The following NUBPL variants were observed in gnomAD, a reference collection of about 807,000 sequenced individuals.
NUBPL encodes iron-sulfur cluster transfer protein NUBPL.
Under a neutral mutation model 45.7 loss-of-function variants are expected in NUBPL, and 31 were observed. The ratio of observed to expected loss-of-function variants is 0.68; its 90% CI spans 0.51 to 0.92. NUBPL has a LOEUF of 0.92. Among genes scored for constraint, NUBPL ranks in the 40% least tolerant of loss-of-function variants. The probability of loss-of-function intolerance (pLI) is 0.00; values close to 1 mark genes in which losing one functional copy is unlikely to be tolerated. For missense variants in NUBPL, 401 were observed against 398.7 expected (o/e 1.01, Z -0.05); for synonymous variants, 144 against 140.9 (o/e 1.02, Z -0.15).
intron 6 of NUBPL, among the ~76,000 whole-genome samples, chr14:31,760,383 G>T (rs950844336): frequency 6.6e-6 from 1 of 151,754 alleles, no homozygotes; most frequent in Admixed American, 6.6e-5. Flanking sequence ...AAACTCCTGG[G>T]CTGAAGCAGT....
intron 3 of NUBPL, among the ~76,000 whole-genome samples, chr14:31,568,377 T>A (rs935771255): frequency 6.6e-6 from 1 of 152,220 alleles, no homozygotes; most frequent in Admixed American, 6.5e-5. Flanking sequence ...CCAGCACTTA[T>A]TTAACTTTAC....
At chr14:31,624,222 G>A (rs1355519536) in intron 4 of NUBPL, among the ~76,000 whole-genome samples, 1 of 152,150 alleles carries the variant, frequency 6.6e-6, no homozygotes, top group East Asian at 1.9e-4. Context: ...TGAGAAAAAG[G>A]TCTCTGAATG....
At chr14:31,627,391 T>G (rs546383731) in intron 4 of NUBPL, among the ~76,000 whole-genome samples, 28 of 152,188 alleles carry the variant, frequency 1.8e-4, no homozygotes, top group African/African-American at 6.5e-4. Flanking sequence ...TTCGGCTTAC[T>G]CTGCTCATCT....
intron 6 of NUBPL, among the ~76,000 whole-genome samples, chr14:31,785,710 C>T (rs2039272152): frequency 6.6e-6 from 1 of 152,166 alleles, no homozygotes; most frequent in African/African-American, 2.4e-5. Flanking sequence ...TCAGTTCCAT[C>T]ATGGTTGTGA....
At chr14:31,639,089 CAA>C (rs1458628192) in intron 4 of NUBPL, among the ~76,000 whole-genome samples, 2 of 152,338 alleles carry the variant, frequency 1.3e-5, no homozygotes, top group South Asian at 2.1e-4. Flanking sequence ...CTCAGCTCGT[CAA>C]AGTCATTCTC....
intron 4 of NUBPL, among the ~76,000 whole-genome samples, chr14:31,634,231 C>A (rs1353475883): frequency 9.2e-6 from 1 of 108,576 alleles, no homozygotes; most frequent in Non-Finnish European, 1.8e-5. Flanking sequence ...AATGCTATCC[C>A]TCCCCCCACC....
intron 4 of NUBPL, among the ~76,000 whole-genome samples, chr14:31,617,647 G>A (rs1047566698): frequency 6.6e-6 from 1 of 152,182 alleles, no homozygotes; most frequent in Non-Finnish European, 1.5e-5. Context: ...TGGTAGATAA[G>A]TGTTTTGATG....
intron 6 of NUBPL, among the ~76,000 whole-genome samples, chr14:31,764,176 A>G (rs1283137808): frequency 1.3e-5 from 2 of 152,198 alleles, no homozygotes; most frequent in African/African-American, 4.8e-5. Context: ...CACTGGAGAC[A>G]GGGACAGATG....
intron 6 of NUBPL, among the ~76,000 whole-genome samples, chr14:31,678,604 G>T (rs1015852500): frequency 6.6e-6 from 1 of 152,160 alleles, no homozygotes; most frequent in Non-Finnish European, 1.5e-5. Context: ...GCCTGGAGTG[G>T]GGTCCTCACA....
intron 6 of NUBPL, among the ~76,000 whole-genome samples, chr14:31,764,067 G>A (rs896582579): frequency 2.0e-5 from 3 of 152,110 alleles, no homozygotes; most frequent in Admixed American, 6.5e-5. Flanking sequence ...ATAGAACACA[G>A]GCCTGTATTG....
chr14:31,787,469 G>A (rs965303619), intron 6 of NUBPL, among the ~76,000 whole-genome samples: 1 of 152,126 alleles, frequency 6.6e-6, no homozygotes, highest in African/African-American at 2.4e-5. Flanking sequence ...CAAAATGTGG[G>A]CTACACCCAG....
At chr14:31,614,459 T>G (rs1477488235) in intron 4 of NUBPL, among the ~76,000 whole-genome samples, 1 of 152,128 alleles carries the variant, frequency 6.6e-6, no homozygotes, top group Non-Finnish European at 1.5e-5. Context: ...GTGAAAAAGG[T>G]TATACACACA....
At chr14:31,742,245 C>T (rs901749084) in intron 6 of NUBPL, among the ~76,000 whole-genome samples, 3 of 123,012 alleles carry the variant, frequency 2.4e-5, no homozygotes, top group African/African-American at 1.1e-4. Flanking sequence ...TGTACACACA[C>T]ACACACACAC....
At chr14:31,640,645 A>G (rs1383890798) in intron 4 of NUBPL, among the ~76,000 whole-genome samples, 1 of 151,296 alleles carries the variant, frequency 6.6e-6, no homozygotes, top group African/African-American at 2.4e-5. Flanking sequence ...AACACTAATT[A>G]GATTAATCAT....
intron 7 of NUBPL, among the ~76,000 whole-genome samples, chr14:31,814,913 A>C (rs76935125): frequency 0.33 from 49,766 of 152,020 alleles, 9,405 homozygotes; most frequent in South Asian, 0.44. Flanking sequence ...TTTTGGTACC[A>C]GTATCATGCT....
intron 6 of NUBPL, among the ~76,000 whole-genome samples, chr14:31,687,380 T>C (rs2036977761): frequency 6.6e-6 from 1 of 152,246 alleles, no homozygotes; most frequent in Non-Finnish European, 1.5e-5. Context: ...ATGTACTACC[T>C]AAAGTATACA....
At chr14:31,832,157 G>C (rs2040203464) in intron 8 of NUBPL, among the ~76,000 whole-genome samples, 1 of 152,186 alleles carries the variant, frequency 6.6e-6, no homozygotes, top group African/African-American at 2.4e-5. Flanking sequence ...TAGATGAACA[G>C]ATAAGCAGAG....
chr14:31,767,681 G>A (rs1395160620), intron 6 of NUBPL, among the ~76,000 whole-genome samples: 1 of 151,212 alleles, frequency 6.6e-6, no homozygotes, highest in Non-Finnish European at 1.5e-5. Context: ...ACCACAGGGT[G>A]GATGTGTTTT....
rs1199067086 is a variant in NUBPL at position 31,562,235 on chromosome 14, C to G, written c.256+20C>G. The stretch of plus-strand genomic sequence containing the variant: ...CAGCAGGTATTATAGGATATTAATT[C>G]TATTCCTGATTAAGAACTTATGCCA... On this transcript the variant is annotated intron_variant, in intron 2 of 10. Transcript: ENST00000281081. 1 of 1,603,228 alleles carries G rather than the reference C, an allele frequency of 6.2e-7. No homozygotes were observed. Among genetic ancestry groups the G allele is most frequent in the Non-Finnish European group, 8.5e-7 (1 of 1,173,202 alleles).
Sources: gnomAD v4.1 joint callset for allele counts (sites outside exome capture counted in the v4.1 genomes callset) on GRCh38, gnomAD v4.1.1 for gene constraint, MANE v1.5 for transcripts, NCBI Gene and HGNC (gene_info 2026-07-23, HGNC 2026-07-21) for gene names.